The following EPHA3 variants were observed in gnomAD, a reference collection of about 807,000 sequenced individuals.
EPHA3 encodes the protein ephrin type-A receptor 3.
In EPHA3, 42 loss-of-function variants were observed where a neutral mutation model predicts 107.1. The ratio of observed to expected loss-of-function variants is 0.39; its 90% CI spans 0.31 to 0.51. The LOEUF is 0.51. Ranked by LOEUF, EPHA3 falls within the 20% of genes least tolerant of loss-of-function variation. The pLI, the probability that EPHA3 is intolerant of heterozygous loss-of-function variation, is 0.78. For synonymous variants in EPHA3, 461 were observed against 424.8 expected (o/e 1.09, Z -1.05); for missense variants, 1,183 against 1,211.2 (o/e 0.98, Z 0.35).
chr3:89,279,888 T>C (rs766202337), intron 3 of EPHA3, among the ~76,000 whole-genome samples: 2 of 152,178 alleles, frequency 1.3e-5, no homozygotes, highest in Non-Finnish European at 2.9e-5. Context: ...AAAAAGAAGG[T>C]AATTACTTCA....
At chr3:89,236,770 T>C (rs1356961955) in intron 3 of EPHA3, among the ~76,000 whole-genome samples, 1 of 152,180 alleles carries the variant, frequency 6.6e-6, no homozygotes, top group Middle Eastern at 3.2e-3. Context: ...ACATCTATAA[T>C]AGTAATTTTT....
chr3:89,369,607 A>G (rs1008052366), intron 5 of EPHA3, among the ~76,000 whole-genome samples: 7 of 149,832 alleles, frequency 4.7e-5, no homozygotes, highest in Non-Finnish European at 8.9e-5. Flanking sequence ...CAAGGACTTC[A>G]TGTCTAAATC....
intron 15 of EPHA3, among the ~76,000 whole-genome samples, chr3:89,467,185 A>C (rs1230904229): frequency 6.6e-6 from 1 of 152,156 alleles, no homozygotes; most frequent in Non-Finnish European, 1.5e-5. Context: ...TTCCCCCTGA[A>C]ATACATTGGG....
At chr3:89,189,675 G>C (rs74935962) in intron 2 of EPHA3, among the ~76,000 whole-genome samples, 104 of 152,286 alleles carry the variant, frequency 6.8e-4, no homozygotes, top group Non-Finnish European at 3.7e-4. Context: ...CTCGTTTCCT[G>C]AACGTTACTT....
At chr3:89,460,823 C>CTTTTTTTTTT (rs753656853) in intron 15 of EPHA3, among the ~76,000 whole-genome samples, 1,279 of 102,428 alleles carry the variant, frequency 0.012, 32 homozygotes, top group African/African-American at 0.043. Flanking sequence ...CTCTGTCTCT[C>CTTTTTTTTTT]TTTTTTTTTT....
rs113091631 is a variant in EPHA3, at chr3:89,353,893, A to T, written c.1306+11803A>T. 3.6e-3 allele frequency among the ~76,000 whole-genome samples: 541 copies of T among 151,470 alleles called. 5 individuals carry two copies. Among genetic ancestry groups the T allele is most frequent in the African/African-American group, 0.013 (524 of 41,506 alleles). On this transcript the variant is annotated intron_variant, in intron 5 of 16. Coordinates refer to ENST00000336596, the MANE Select transcript of EPHA3 (RefSeq NM_005233.6). ...TCATTCCGTCTTCATTTCTGGTTTTATATACGACTCTAATTAATGGAGAAG... is the reference window on the plus strand; with the variant it reads ...TCATTCCGTCTTCATTTCTGGTTTTTTATACGACTCTAATTAATGGAGAAG...
At chr3:89,345,068 T>C (rs2107427149) in intron 5 of EPHA3, among the ~76,000 whole-genome samples, 1 of 151,230 alleles carries the variant, frequency 6.6e-6, no homozygotes, top group African/African-American at 2.4e-5. Flanking sequence ...ATATTCATCT[T>C]TTTTTTTCTT....
chr3:89,115,989 A>T (rs1354828847), intron 1 of EPHA3, among the ~76,000 whole-genome samples: 1 of 152,206 alleles, frequency 6.6e-6, no homozygotes, highest in Admixed American at 6.5e-5. Flanking sequence ...GTAGTGAAAA[A>T]TTGAAGAAAA....
intron 11 of EPHA3, among the ~76,000 whole-genome samples, chr3:89,421,288 G>C (rs1709348473): frequency 6.6e-6 from 1 of 150,894 alleles, no homozygotes; most frequent in South Asian, 2.1e-4. Context: ...GATCATAATA[G>C]ATACTTAATT....
At chr3:89,289,790 G>A (rs915329746) in intron 3 of EPHA3, among the ~76,000 whole-genome samples, 1 of 151,984 alleles carries the variant, frequency 6.6e-6, no homozygotes, top group African/African-American at 2.4e-5. Flanking sequence ...GAGCTAAAAG[G>A]CTGCGATTCC....
chr3:89,363,192 T>TGA, intron 5 of EPHA3, among the ~76,000 whole-genome samples: 1 of 150,574 alleles, frequency 6.6e-6, no homozygotes, highest in Non-Finnish European at 1.5e-5. Flanking sequence ...ATCTATCCAT[T>TGA]GAGAGAGAGA....
chr3:89,225,553 AT>A (rs757753090), intron 3 of EPHA3, among the ~76,000 whole-genome samples: 73 of 152,096 alleles, frequency 4.8e-4, no homozygotes, highest in Admixed American at 1.5e-3. Context: ...AGAAAGTTGC[AT>A]TTTTTCCCCA....
At chr3:89,200,635 C>G (rs1705946976) in intron 2 of EPHA3, among the ~76,000 whole-genome samples, 1 of 152,156 alleles carries the variant, frequency 6.6e-6, no homozygotes, top group Admixed American at 6.6e-5. Flanking sequence ...TGTTCCTGGC[C>G]TTACATTTCT....
At chr3:89,411,929 TTAATG>T (rs1268517119) in intron 9 of EPHA3, among the ~76,000 whole-genome samples, 64 of 152,050 alleles carry the variant, frequency 4.2e-4, no homozygotes, top group African/African-American at 1.5e-3. Flanking sequence ...TTGTTATAAT[TTAATG>T]TAATGAATGA....
chr3:89,451,987 G>T (rs1201635601), intron 15 of EPHA3, among the ~76,000 whole-genome samples: 1 of 151,522 alleles, frequency 6.6e-6, no homozygotes, highest in Non-Finnish European at 1.5e-5. Flanking sequence ...ATATTTTTGT[G>T]AAAAAAATCA....
chr3:89,391,416 C>CT (rs1708733394), intron 5 of EPHA3, among the ~76,000 whole-genome samples: 3 of 89,462 alleles, frequency 3.4e-5, no homozygotes, highest in African/African-American at 1.3e-4. Flanking sequence ...TCTTTTCTTT[C>CT]TTTTCTTTTT....
intron 3 of EPHA3, among the ~76,000 whole-genome samples, chr3:89,331,610 T>C (rs1173232583): frequency 3.3e-5 from 5 of 152,164 alleles, no homozygotes; most frequent in African/African-American, 1.2e-4. Context: ...ACAATATTGA[T>C]CCTTTAGAAA....
At chr3:89,265,795 G>T (rs899293373) in intron 3 of EPHA3, among the ~76,000 whole-genome samples, 7 of 152,054 alleles carry the variant, frequency 4.6e-5, no homozygotes, top group Non-Finnish European at 8.8e-5. Context: ...CAAGTCCTGA[G>T]AATGAGCACT....
At chr3:89,458,853 A>C (rs1217514693) in intron 15 of EPHA3, among the ~76,000 whole-genome samples, 1 of 152,244 alleles carries the variant, frequency 6.6e-6, no homozygotes, top group African/African-American at 2.4e-5. Context: ...GCAGCCATAA[A>C]AAGAATGAGT....
Sources: allele counts gnomAD v4.1 joint callset (sites outside exome capture counted in the v4.1 genomes callset), GRCh38; gene constraint gnomAD v4.1.1; transcripts MANE v1.5; gene names NCBI Gene and HGNC (gene_info 2026-07-23, HGNC 2026-07-21).